RNF220: variants seen among roughly 807,000 people sequenced by gnomAD.
RNF220 encodes the protein E3 ubiquitin-protein ligase RNF220.
Under a neutral mutation model 67.1 loss-of-function variants are expected in RNF220, and 7 were observed. The observed-to-expected ratio is 0.10, with a 90% CI of 0.06 to 0.20. RNF220 has a LOEUF of 0.20. Ranked by LOEUF, RNF220 falls within the 10% of genes least tolerant of loss-of-function variation. The pLI is 1.00. For synonymous variants in RNF220, 270 were observed against 283.2 expected (o/e 0.95, Z 0.47); for missense variants, 565 against 740.3 (o/e 0.76, Z 2.75).
intron 2 of RNF220, among the ~76,000 whole-genome samples, chr1:44,567,353 G>C (rs548080007): frequency 1.3e-5 from 2 of 152,252 alleles, no homozygotes; most frequent in African/African-American, 4.8e-5. Flanking sequence ...GAGATTCCCA[G>C]CTGTGTATGA....
intron 2 of RNF220, among the ~76,000 whole-genome samples, chr1:44,597,675 G>C (rs1442922289): frequency 6.6e-6 from 1 of 151,740 alleles, no homozygotes; most frequent in Non-Finnish European, 1.5e-5. Flanking sequence ...CTCCCAGATG[G>C]CTCCGGCACA....
At chr1:44,467,811 C>T (rs997195315) in intron 2 of RNF220, among the ~76,000 whole-genome samples, 1 of 152,162 alleles carries the variant, frequency 6.6e-6, no homozygotes, top group Non-Finnish European at 1.5e-5. Flanking sequence ...TTTGACATGC[C>T]GTCTTTACTG....
At chr1:44,585,880 G>C (rs947071396) in intron 2 of RNF220, among the ~76,000 whole-genome samples, 1 of 152,074 alleles carries the variant, frequency 6.6e-6, no homozygotes, top group African/African-American at 2.4e-5. Context: ...GGCTATGTTT[G>C]GTTTAGGTAA....
At chr1:44,508,524 G>A (rs187277801) in intron 2 of RNF220, among the ~76,000 whole-genome samples, 125 of 152,278 alleles carry the variant, frequency 8.2e-4, no homozygotes, top group Non-Finnish European at 1.5e-3. Flanking sequence ...AAGAACATCC[G>A]TAGAAGGGAC....
chr1:44,519,897 C>G (rs932152826), intron 2 of RNF220, among the ~76,000 whole-genome samples: 5 of 152,002 alleles, frequency 3.3e-5, no homozygotes, highest in Non-Finnish European at 7.4e-5. Flanking sequence ...TTGGTAACCA[C>G]TGAAAGTTTT....
intron 2 of RNF220, among the ~76,000 whole-genome samples, chr1:44,490,759 T>C (rs902906760): frequency 6.6e-6 from 1 of 151,308 alleles, no homozygotes; most frequent in African/African-American, 2.4e-5. Context: ...AAATGAAATA[T>C]AGAATTGAAA....
intron 2 of RNF220, among the ~76,000 whole-genome samples, chr1:44,556,992 C>G: frequency 6.6e-6 from 1 of 151,848 alleles, no homozygotes; most frequent in East Asian, 1.9e-4. Flanking sequence ...CCCGAAATGG[C>G]TGAAACAATC....
intron 2 of RNF220, among the ~76,000 whole-genome samples, chr1:44,554,377 C>T (rs77412896): frequency 0.02 from 2,988 of 152,116 alleles, 83 homozygotes; most frequent in African/African-American, 0.066. Flanking sequence ...ATGTCCTTCT[C>T]GCCTACCCTT....
Position 44,650,607 on chromosome 1 carries a change from C to T in RNF220, c.1630-97C>T. 7.4e-7 allele frequency: 1 copy of T among 1,347,162 alleles called. No homozygotes were observed. Among genetic ancestry groups the T allele is most frequent in the Non-Finnish European group, 1.1e-6 (1 of 948,350 alleles). The allele number at this position is 1,347,162 out of a possible 1,614,324, so 83.5% of individuals were successfully genotyped here. A position where few individuals can be genotyped will look rare whatever the true frequency, so the allele number is the denominator to read the frequency against. On this transcript the variant is annotated intron_variant, in intron 14 of 14. Transcript: ENST00000361799. The surrounding 1 kb of genome is among the most constrained non-coding windows in gnomAD (Gnocchi z 4.3). ...GGCTGACAGGACCAAGGTCTCAGCACACACTGGTGCAGAGAGACATGGCTG... is the reference window on the plus strand; with the variant it reads ...GGCTGACAGGACCAAGGTCTCAGCATACACTGGTGCAGAGAGACATGGCTG...
Position 44,569,733 on chromosome 1 carries a change from G to A in RNF220, c.626-44432G>A, listed in dbSNP as rs113198385. ...AGGGTCTGGTGGGAAGGGGTGTGGG[G>A]CTGCTGAGGGGGAACAAGGAGGAAG... On this transcript the variant is annotated intron_variant, in intron 2 of 14. Transcript: ENST00000361799. Among the ~76,000 whole-genome samples the A allele has an allele frequency of 4.0e-4, 61 of 152,324 alleles. 1 individual carries two copies. The highest frequency in any genetic ancestry group is 1.4e-3 in the African/African-American group (58 of 41,576).
chr1:44,464,138 CACA>C (rs2147970337), intron 2 of RNF220, among the ~76,000 whole-genome samples: 1 of 152,314 alleles, frequency 6.6e-6, no homozygotes, highest in African/African-American at 2.4e-5. Context: ...CAGCTCTTGC[CACA>C]ACAACATTGT....
At chr1:44,557,109 G>GTATATGTA (rs983969730) in intron 2 of RNF220, among the ~76,000 whole-genome samples, 1 of 146,230 alleles carries the variant, frequency 6.8e-6, no homozygotes, top group African/African-American at 2.5e-5. Flanking sequence ...ATATATGTAT[G>GTATATGTA]TATATGTATA....
chr1:44,610,565 T>G (rs915734205), intron 2 of RNF220, among the ~76,000 whole-genome samples: 1 of 152,128 alleles, frequency 6.6e-6, no homozygotes, highest in South Asian at 2.1e-4. Context: ...GACCCACATG[T>G]GGCAAAAGGG....
chr1:44,423,009 A>G (rs1429697994), intron 2 of RNF220, among the ~76,000 whole-genome samples: 1 of 152,222 alleles, frequency 6.6e-6, no homozygotes, highest in African/African-American at 2.4e-5. Context: ...GGTACTGGGA[A>G]TAGACTGATG....
intron 2 of RNF220, among the ~76,000 whole-genome samples, chr1:44,581,850 G>A (rs1665303992): frequency 6.6e-6 from 1 of 152,170 alleles, no homozygotes; most frequent in South Asian, 2.1e-4. Flanking sequence ...TGTTCCTTGT[G>A]TGCTGGGGTT....
chr1:44,575,067 A>G (rs1664710517), intron 2 of RNF220, among the ~76,000 whole-genome samples: 1 of 152,176 alleles, frequency 6.6e-6, no homozygotes, highest in Admixed American at 6.5e-5. Context: ...ATTGTTAACT[A>G]TAGTCATCCT....
chr1:44,439,950 TA>T (rs527660704), intron 2 of RNF220, among the ~76,000 whole-genome samples: 1 of 152,102 alleles, frequency 6.6e-6, no homozygotes, highest in Non-Finnish European at 1.5e-5. Flanking sequence ...AAGGGAAACC[TA>T]ACTGATCCAG....
intron 2 of RNF220, among the ~76,000 whole-genome samples, chr1:44,543,669 GA>G (rs1661868082): frequency 6.6e-6 from 1 of 151,984 alleles, no homozygotes; most frequent in Non-Finnish European, 1.5e-5. Flanking sequence ...GGGTGTACAG[GA>G]AACATTGCAT....
intron 2 of RNF220, among the ~76,000 whole-genome samples, chr1:44,548,196 G>A (rs919635696): frequency 6.6e-6 from 1 of 151,922 alleles, no homozygotes; most frequent in Non-Finnish European, 1.5e-5. Context: ...CTTAGTTCAG[G>A]TCCTCCCTGT....
Sources: gnomAD v4.1 joint callset for allele counts (sites outside exome capture counted in the v4.1 genomes callset) on GRCh38, gnomAD v4.1.1 for gene constraint, Gnocchi (gnomAD v3.1) non-coding constraint, MANE v1.5 for transcripts, NCBI Gene and HGNC (gene_info 2026-07-23, HGNC 2026-07-21) for gene names.